Variants in LRP4 observed in about 807,000 individuals in gnomAD.
LRP4 encodes the protein LDL receptor related protein 4.
In LRP4, 95 loss-of-function variants were observed where a neutral mutation model predicts 220.3. The observed-to-expected ratio is 0.43, with a 90% CI of 0.37 to 0.51. The LOEUF (loss-of-function observed/expected upper bound fraction) is 0.51, where lower values mean the gene tolerates loss of function less well. LRP4 is among the 20% of genes least tolerant of loss of function. The pLI is 0.00. For missense variants in LRP4, 1,925 were observed against 2,567.0 expected (o/e 0.75, Z 5.40); for synonymous variants, 903 against 954.6 (o/e 0.95, Z 1.00).
intron 13 of LRP4, 42 bp downstream of exon 13, chr11:46,892,931 G>A (rs766637504): frequency 9.3e-6 from 15 of 1,607,240 alleles, no homozygotes; most frequent in Middle Eastern, 2.2e-4. Context: ...GAGCTGTCCC[G>A]AGAGGTTGCA....
chr11:46,906,373 T>C (rs1941759835), intron 1 of LRP4, among the ~76,000 whole-genome samples: 1 of 151,944 alleles, frequency 6.6e-6, no homozygotes, highest in South Asian at 2.1e-4. Flanking sequence ...AAAGAATTGC[T>C]TGAACCATGG....
chr11:46,907,064 G>C (rs541901769), intron 1 of LRP4, among the ~76,000 whole-genome samples: 1 of 152,194 alleles, frequency 6.6e-6, no homozygotes, highest in East Asian at 1.9e-4. Context: ...TGATCATAAA[G>C]GCAGCTTTTA....
Position 46,880,841 on chromosome 11 carries a change from T to A in LRP4, c.2814+861A>T, listed in dbSNP as rs1170857981. ...CTATAATCCCAACACTTTGGGAGGC[T>A]GAGGCAGAAGGATCGTTTGAGGCCA... is the stretch of plus-strand genomic sequence containing the variant. On this transcript the variant is annotated intron_variant, in intron 20 of 37. Transcript: ENST00000378623. Among the ~76,000 whole-genome samples the A allele has an allele frequency of 2.6e-5, 4 of 151,820 alleles. No homozygotes were observed. In the South Asian group the frequency reaches 6.2e-4, roughly 24 times the overall value.
chr11:46,895,016 A>G lies in LRP4; in HGVS notation c.1309+150T>C, dbSNP rs1592540880. On this transcript the variant is annotated intron_variant, in intron 11 of 37. Coordinates refer to ENST00000378623, the MANE Select transcript of LRP4 (RefSeq NM_002334.4). ...CCCCACCCCACTCCACCCCAGCAGC[A>G]TTTTTCTTGGGGCTCAGAATGCAAC... 6 of 1,251,606 alleles carry G rather than the reference A, an allele frequency of 4.8e-6. No homozygotes were observed. In the East Asian group the frequency reaches 1.4e-4, roughly 29 times the overall value. The allele number at this position is 1,251,606 out of a possible 1,614,324, so 77.5% of individuals were successfully genotyped here.
rs543482479 is a variant in LRP4 at position 46,902,089 on chromosome 11, G to A, written c.199+694C>T. Reference sequence around the variant, plus strand: ...TAAGAAAGGTGTGGCTGGGCGTGGTGGTTCATGCCTGTAATCCCAGCACTT... The same window carrying A: ...TAAGAAAGGTGTGGCTGGGCGTGGTAGTTCATGCCTGTAATCCCAGCACTT... On this transcript the variant is annotated intron_variant, in intron 2 of 37. Transcript: ENST00000378623. 4.0e-5 allele frequency among the ~76,000 whole-genome samples: 6 copies of A among 151,750 alleles called. No individual in the cohort carries two copies. In the East Asian group the frequency reaches 1.2e-3, roughly 29 times the overall value.
intron 20 of LRP4, among the ~76,000 whole-genome samples, chr11:46,880,489 A>T (rs1941128403): frequency 1.3e-5 from 2 of 152,060 alleles, no homozygotes; most frequent in Admixed American, 6.6e-5. Context: ...GCTCCTGAGT[A>T]GCTAGGGTGC....
intron 25 of LRP4, 86 bp downstream of exon 25, chr11:46,876,380 T>C (rs1386198753): frequency 6.6e-7 from 1 of 1,521,774 alleles, no homozygotes; most frequent in East Asian, 2.2e-5. Context: ...GATGCAAGCT[T>C]CCTCTCCACT....
chr11:46,901,985 A>C (rs1463932842), intron 2 of LRP4, among the ~76,000 whole-genome samples: 1 of 151,800 alleles, frequency 6.6e-6, no homozygotes, highest in Non-Finnish European at 1.5e-5. Context: ...TGCCCACCTC[A>C]GCCTCCCAAA....
At chr11:46,889,239 A>G (rs1352778809) in intron 16 of LRP4, among the ~76,000 whole-genome samples, 172 bp downstream of exon 16, 1 of 152,186 alleles carries the variant, frequency 6.6e-6, no homozygotes, top group Admixed American at 6.5e-5. Flanking sequence ...CTGGGTCCTC[A>G]GTCCTCAGCT....
At chr11:46,883,718 T>C (rs1941215596) in intron 19 of LRP4, among the ~76,000 whole-genome samples, 153 bp downstream of exon 19, 1 of 152,218 alleles carries the variant, frequency 6.6e-6, no homozygotes, top group Admixed American at 6.5e-5. Context: ...ACAGAGCTGG[T>C]CTTGGCAACC....
At chr11:46,903,030 C>T in intron 1 of LRP4, 101 bp from the exon 2 acceptor site, 3 of 1,418,530 alleles carry the variant, frequency 2.1e-6, no homozygotes, top group Non-Finnish European at 3.0e-6. Context: ...GCACTGTCAC[C>T]TGGAGAGTCA....
chr11:46,868,469 C>T (rs1035397941), intron 33 of LRP4, 131 bp downstream of exon 33: 8 of 757,580 alleles, frequency 1.1e-5, no homozygotes, highest in Non-Finnish European at 1.6e-5. Context: ...TGCTACCAAT[C>T]ACTCCACTAA....
At chr11:46,894,174 G>T (rs1941477851) in intron 12 of LRP4, among the ~76,000 whole-genome samples, 1 of 152,166 alleles carries the variant, frequency 6.6e-6, no homozygotes, top group Admixed American at 6.5e-5. Flanking sequence ...TTACAGGCGT[G>T]AGCCACCGTG....
At chr11:46,880,977 T>C (rs1418746852) in intron 20 of LRP4, among the ~76,000 whole-genome samples, 1 of 138,620 alleles carries the variant, frequency 7.2e-6, no homozygotes, top group Non-Finnish European at 1.5e-5. Context: ...AGGATCCTAG[T>C]AGGTCGAGGG....
chr11:46,875,131 ACCTAG>A lies in LRP4; in HGVS notation c.3926-33_3926-29del. The A allele has an allele frequency of 6.2e-7, 1 of 1,604,566 alleles. No homozygotes were observed. Among genetic ancestry groups the A allele is most frequent in the Non-Finnish European group, 8.5e-7 (1 of 1,176,934 alleles). On this transcript the variant is annotated intron_variant, in intron 27 of 37. Transcript: ENST00000378623. The surrounding 1 kb of genome is among the most constrained non-coding windows in gnomAD (Gnocchi z 4.5). ...GGTGATGAGAAGCACAAGTATTCAC[ACCTAG>A]CCTGGAACATCATCTGAATCTTACA...
chr11:46,872,431 C>G (rs1394184621), intron 30 of LRP4, among the ~76,000 whole-genome samples: 3 of 152,074 alleles, frequency 2.0e-5, no homozygotes, highest in African/African-American at 7.2e-5. Flanking sequence ...CATTTCTTAT[C>G]TAGACAAGGA....
chr11:46,914,955 G>A (rs899894491), intron 1 of LRP4, among the ~76,000 whole-genome samples: 3 of 152,052 alleles, frequency 2.0e-5, no homozygotes, highest in Non-Finnish European at 2.9e-5. Context: ...ATAAAACACC[G>A]TGTCCTCTGT....
At chr11:46,882,268 G>A (rs1941179358) in intron 19 of LRP4, among the ~76,000 whole-genome samples, 1 of 151,892 alleles carries the variant, frequency 6.6e-6, no homozygotes, top group Admixed American at 6.6e-5. Flanking sequence ...TATCACTTGA[G>A]CCCAGAAGTT....
chr11:46,881,280 G>A (rs1219608411), intron 20 of LRP4, among the ~76,000 whole-genome samples: 2 of 152,096 alleles, frequency 1.3e-5, no homozygotes, highest in Non-Finnish European at 2.9e-5. Context: ...TAAAGCAAAT[G>A]TGGCAAAATT....
Sources: allele counts gnomAD v4.1 joint callset (sites outside exome capture counted in the v4.1 genomes callset), GRCh38; gene constraint gnomAD v4.1.1; non-coding constraint Gnocchi (gnomAD v3.1); transcripts MANE v1.5; gene names NCBI Gene and HGNC (gene_info 2026-07-23, HGNC 2026-07-21).